The following RAB40B variants were observed in gnomAD, a reference collection of about 807,000 sequenced individuals.
The protein encoded by RAB40B is RAB40B, member RAS oncogene family, also known as ras-related protein Rab-40B.
A neutral mutation model predicts 24.0 loss-of-function variants in RAB40B; 21 were observed. The ratio of observed to expected loss-of-function variants is 0.88; its 90% CI spans 0.62 to 1.26. RAB40B has a LOEUF of 1.26. Among genes scored for constraint, RAB40B ranks in the 50% most tolerant of loss-of-function variants. The pLI is 0.00. For missense variants in RAB40B, 348 were observed against 390.5 expected (o/e 0.89, Z 0.92); for synonymous variants, 167 against 169.8 (o/e 0.98, Z 0.13).
chr17:82,692,014 C>T lies in RAB40B; in HGVS notation c.142+6441G>A, dbSNP rs1007530817. On this transcript the variant is annotated intron_variant, in intron 1 of 5. Transcript: ENST00000571995. This position sits in a 1 kb window ranked among gnomAD's most constrained non-coding sequence, Gnocchi z 4.0. ...AACCAGCAGAGCAGTGGGGCCCGCA[C>T]GGTCCGTGGGCTGAGGTGACAGGCA... Among the ~76,000 whole-genome samples, 1 of 151,186 alleles carries T rather than the reference C, an allele frequency of 6.6e-6. No homozygotes were observed. The highest frequency in any genetic ancestry group is 2.4e-5 in the African/African-American group (1 of 41,080).
intron 1 of RAB40B, among the ~76,000 whole-genome samples, chr17:82,678,975 C>A (rs1322581769): frequency 1.3e-5 from 2 of 149,412 alleles, no homozygotes; most frequent in Non-Finnish European, 3.0e-5. Context: ...CTCCGCCTCC[C>A]AGGTTCACAC....
intron 1 of RAB40B, among the ~76,000 whole-genome samples, chr17:82,694,787 A>C (rs1014913377): frequency 9.9e-5 from 15 of 151,786 alleles, no homozygotes; most frequent in Admixed American, 2.6e-4. Context: ...TGACAGCTGC[A>C]AAGTGTTGGG....
chr17:82,659,116 G>T (rs191268388), intron 4 of RAB40B: 269 of 248,744 alleles, frequency 1.1e-3, no homozygotes, highest in Non-Finnish European at 1.0e-3. Context: ...AACCGTGAGA[G>T]AATGCATTTC....
chr17:82,681,020 CAAAAAAAAAAAAAAAA>C (rs201799464), intron 1 of RAB40B, among the ~76,000 whole-genome samples: 4 of 93,950 alleles, frequency 4.3e-5, no homozygotes, highest in African/African-American at 1.3e-4. Context: ...GACTCCATCT[CAAAAAAAAAAAAAAAA>C]AAAAAAAAAA....
At chr17:82,676,958 A>T (rs184518656) in intron 1 of RAB40B, among the ~76,000 whole-genome samples, 2,308 of 137,146 alleles carry the variant, frequency 0.017, 25 homozygotes, top group Middle Eastern at 0.06. Flanking sequence ...TTATTTATTT[A>T]TTTTTTCTGA....
intron 2 of RAB40B, chr17:82,662,429 C>T: frequency 3.0e-6 from 3 of 985,446 alleles, no homozygotes; most frequent in Non-Finnish European, 3.6e-6. Flanking sequence ...GGGAGCACTC[C>T]CTCCTCAGCT....
chr17:82,675,465 C>T lies in RAB40B; in HGVS notation c.143-10909G>A, dbSNP rs2046385849. Among the ~76,000 whole-genome samples the T allele has an allele frequency of 6.6e-6, 1 of 152,218 alleles. No individual in the cohort carries two copies. Among genetic ancestry groups the T allele is most frequent in the South Asian group, 2.1e-4 (1 of 4,834 alleles). ...ATTCTGCTCCCGTGGATGGCACTCCCTTTACCCCATACTTCAGAACTGGGG... is the reference window on the plus strand; with the variant it reads ...ATTCTGCTCCCGTGGATGGCACTCCTTTTACCCCATACTTCAGAACTGGGG... On this transcript the variant is annotated intron_variant, in intron 1 of 5. Coordinates refer to ENST00000571995, the MANE Select transcript of RAB40B (RefSeq NM_006822.3). This position sits in a 1 kb window ranked among gnomAD's most constrained non-coding sequence, Gnocchi z 4.5.
chr17:82,674,166 G>C (rs59235468), intron 1 of RAB40B, among the ~76,000 whole-genome samples: 30,077 of 150,978 alleles, frequency 0.2, 3,442 homozygotes, highest in African/African-American at 0.33. Context: ...CATGGTCAAA[G>C]CCCAACTCTA....
At chr17:82,669,822 A>G (rs2046310791) in intron 1 of RAB40B, among the ~76,000 whole-genome samples, 1 of 152,246 alleles carries the variant, frequency 6.6e-6, no homozygotes, top group Admixed American at 6.5e-5. Context: ...GGAAGGCACC[A>G]TCATGTGCCA....
chr17:82,677,048 A>T (rs575837868), intron 1 of RAB40B, among the ~76,000 whole-genome samples: 177 of 152,058 alleles, frequency 1.2e-3, no homozygotes, highest in Non-Finnish European at 2.1e-3. Context: ...TCCCGGGTTC[A>T]AGCAATTCTC....
intron 1 of RAB40B, among the ~76,000 whole-genome samples, chr17:82,689,391 C>T (rs2046533451): frequency 1.3e-5 from 2 of 152,372 alleles, no homozygotes; most frequent in East Asian, 3.9e-4. Flanking sequence ...AGCTGACCCT[C>T]TCTCTGCCTG....
chr17:82,665,737 G>A (rs1240218395), intron 1 of RAB40B, among the ~76,000 whole-genome samples: 2 of 151,906 alleles, frequency 1.3e-5, no homozygotes, highest in Non-Finnish European at 2.9e-5. Context: ...TGTGGTGGCG[G>A]GCTCCTGGAA....
chr17:82,691,758 G>A (rs34004249), intron 1 of RAB40B, among the ~76,000 whole-genome samples: 18,781 of 152,216 alleles, frequency 0.12, 1,436 homozygotes, highest in Non-Finnish European at 0.17. Context: ...GGTGTTGGAA[G>A]CACCAGCTGG....
In RAB40B at chr17:82,668,756, GA is replaced by G. The variant is rs948564769; in HGVS notation, c.143-4201del. Among the ~76,000 whole-genome samples, 162 of 152,358 alleles carry G rather than the reference GA, an allele frequency of 1.1e-3. 1 individual carries two copies. Among genetic ancestry groups the G allele is most frequent in the African/African-American group, 3.0e-3 (125 of 41,594 alleles). Reference sequence around the variant, plus strand: ...CTTCCCAGGCCTCCAAGAGCACAGAGACGCCCGCGTCTAGAGCTGCCCCAGG... The same window carrying G: ...CTTCCCAGGCCTCCAAGAGCACAGAGCGCCCGCGTCTAGAGCTGCCCCAGG... On this transcript the variant is annotated intron_variant, in intron 1 of 5. Transcript: ENST00000571995.
At chr17:82,666,309 A>G (rs989280081) in intron 1 of RAB40B, among the ~76,000 whole-genome samples, 10 of 151,760 alleles carry the variant, frequency 6.6e-5, no homozygotes, top group African/African-American at 1.9e-4. Context: ...CAGTGGTGCA[A>G]TCTTGGCTCA....
At chr17:82,693,834 G>A (rs1417004105) in intron 1 of RAB40B, among the ~76,000 whole-genome samples, 1 of 152,002 alleles carries the variant, frequency 6.6e-6, no homozygotes, top group Non-Finnish European at 1.5e-5. Context: ...TGTAATTCCA[G>A]CACTTTGGGA....
intron 1 of RAB40B, among the ~76,000 whole-genome samples, chr17:82,691,475 CAGG>C (rs765550489): frequency 7.2e-4 from 109 of 152,248 alleles, no homozygotes; most frequent in Non-Finnish European, 1.1e-3. Flanking sequence ...TGCCTGAGGT[CAGG>C]AGTTCGAGAC....
chr17:82,696,354 C>T (rs75726826), intron 1 of RAB40B: 4,519 of 152,766 alleles, frequency 0.03, 218 homozygotes, highest in African/African-American at 0.1. Flanking sequence ...ACATTCTGTG[C>T]GTGACCCTTC....
intron 4 of RAB40B, chr17:82,659,278 C>T (rs2046130238): frequency 7.3e-6 from 3 of 411,082 alleles, no homozygotes; most frequent in South Asian, 5.5e-5. Context: ...GCTGGTCAGC[C>T]CAGCCCGACC....
Sources: gnomAD v4.1 joint callset for allele counts (sites outside exome capture counted in the v4.1 genomes callset) on GRCh38, gnomAD v4.1.1 for gene constraint, Gnocchi (gnomAD v3.1) non-coding constraint, MANE v1.5 for transcripts, NCBI Gene and HGNC (gene_info 2026-07-23, HGNC 2026-07-21) for gene names.